Variants in THSD7A observed in about 807,000 individuals in gnomAD.
THSD7A encodes thrombospondin type 1 domain containing 7A.
THSD7A carries 96 observed loss-of-function variants against 231.3 expected under a neutral mutation model. The ratio of observed to expected loss-of-function variants is 0.41; its 90% CI spans 0.35 to 0.49. THSD7A has a LOEUF of 0.49. Ranked by LOEUF, THSD7A falls within the 20% of genes least tolerant of loss-of-function variation. The probability of loss-of-function intolerance (pLI) is 0.05; values close to 1 mark genes in which losing one functional copy is unlikely to be tolerated. For synonymous variants in THSD7A, 940 were observed against 743.3 expected (o/e 1.26, Z -4.30); for missense variants, 2,290 against 2,070.2 (o/e 1.11, Z -2.06).
At chr7:11,827,440 G>A (rs114860520) in intron 1 of THSD7A, among the ~76,000 whole-genome samples, 2,676 of 151,848 alleles carry the variant, frequency 0.018, 81 homozygotes, top group African/African-American at 0.059. Flanking sequence ...TCCTTTCCTA[G>A]CCTTTCTAAA....
chr7:11,382,412 G>A (rs900559956), intron 24 of THSD7A, 109 bp downstream of exon 24: 3 of 883,544 alleles, frequency 3.4e-6, no homozygotes, highest in African/African-American at 3.3e-5. Flanking sequence ...ATCCCAAACA[G>A]GCTTTGAATA....
intron 1 of THSD7A, among the ~76,000 whole-genome samples, chr7:11,684,229 T>C (rs916233314): frequency 4.6e-5 from 7 of 151,580 alleles, no homozygotes; most frequent in African/African-American, 1.7e-4. Context: ...CAAAGAAATA[T>C]ATCTCAAAAT....
intron 1 of THSD7A, among the ~76,000 whole-genome samples, chr7:11,826,699 C>T (rs890883012): frequency 1.3e-5 from 2 of 151,538 alleles, no homozygotes; most frequent in Non-Finnish European, 2.9e-5. Flanking sequence ...GTAACCCTAG[C>T]TACTCAGGAG....
intron 1 of THSD7A, among the ~76,000 whole-genome samples, chr7:11,697,094 A>G (rs1213110955): frequency 1.3e-5 from 2 of 151,442 alleles, no homozygotes; most frequent in Non-Finnish European, 3.0e-5. Context: ...TCCCTAATGT[A>G]AGATTTATGG....
At chr7:11,543,817 G>GT (rs900660340) in intron 4 of THSD7A, among the ~76,000 whole-genome samples, 48 of 151,370 alleles carry the variant, frequency 3.2e-4, no homozygotes, top group African/African-American at 7.8e-4. Flanking sequence ...TTGTTTTTTT[G>GT]TTTTTTTTAT....
At chr7:11,405,747 C>T (rs76532062) in intron 22 of THSD7A, among the ~76,000 whole-genome samples, 1,882 of 152,256 alleles carry the variant, frequency 0.012, 15 homozygotes, top group Non-Finnish European at 0.02. Flanking sequence ...TTCCTCCATA[C>T]TGCTATTTTG....
chr7:11,528,300 G>C lies in THSD7A; in HGVS notation c.1822+13119C>G, dbSNP rs569031353. ...ATCAAATTTATATAGTGACTGCAAA[G>C]AGCTCCAATGTCTCTTTTAATTATT... On this transcript the variant is annotated intron_variant, in intron 6 of 27. Coordinates refer to ENST00000423059, the MANE Select transcript of THSD7A (RefSeq NM_015204.3). Among the ~76,000 whole-genome samples the C allele has an allele frequency of 2.0e-5, 3 of 152,236 alleles. No homozygotes were observed. The South Asian group carries it at 6.2e-4, about 32-fold the overall frequency.
chr7:11,508,737 T>A (rs1321786464), intron 6 of THSD7A, among the ~76,000 whole-genome samples: 1 of 152,176 alleles, frequency 6.6e-6, no homozygotes, highest in East Asian at 1.9e-4. Context: ...TGGTATATAC[T>A]CATAGTGGAA....
At chr7:11,546,202 G>GCACGCGCGCGCACACACACACACACA (rs761841418) in intron 4 of THSD7A, among the ~76,000 whole-genome samples, 1 of 129,374 alleles carries the variant, frequency 7.7e-6, no homozygotes, top group Admixed American at 8.7e-5. Context: ...GTGGGCGCGC[G>GCACGCGCGCGCACACACACACACACA]CTCACACACA....
At chr7:11,628,789 A>G (rs1010287229) in intron 2 of THSD7A, among the ~76,000 whole-genome samples, 2 of 152,214 alleles carry the variant, frequency 1.3e-5, no homozygotes, top group Admixed American at 6.5e-5. Flanking sequence ...TAACAATGAC[A>G]TAGAAGCAGT....
chr7:11,754,278 A>C (rs997495489), intron 1 of THSD7A, among the ~76,000 whole-genome samples: 4 of 152,068 alleles, frequency 2.6e-5, no homozygotes, highest in African/African-American at 9.7e-5. Flanking sequence ...AATAGAGAGT[A>C]ACGGAAGTGA....
chr7:11,539,075 C>T lies in THSD7A; in HGVS notation c.1822+2344G>A, dbSNP rs376366983. On this transcript the variant is annotated intron_variant, in intron 6 of 27. Coordinates refer to ENST00000423059, the MANE Select transcript of THSD7A (RefSeq NM_015204.3). ...TATAAAACAAAATGTATAGCTGCAG[C>T]CCAGGCCTAGAGGTAGAGTCTACAA... 2.1e-4 allele frequency among the ~76,000 whole-genome samples: 32 copies of T among 152,230 alleles called. No individual in the cohort carries two copies. In the East Asian group the frequency reaches 6.0e-3, roughly 29 times the overall value.
At chr7:11,683,225 A>C (rs904132493) in intron 1 of THSD7A, among the ~76,000 whole-genome samples, 1 of 152,010 alleles carries the variant, frequency 6.6e-6, no homozygotes, top group Non-Finnish European at 1.5e-5. Flanking sequence ...CCACACAAAT[A>C]CATGGAAACG....
intron 2 of THSD7A, among the ~76,000 whole-genome samples, chr7:11,608,084 AGTG>A (rs2128347661): frequency 6.6e-6 from 1 of 152,300 alleles, no homozygotes; most frequent in East Asian, 1.9e-4. Flanking sequence ...TGTTCCAGGC[AGTG>A]AACCATGGTG....
chr7:11,691,956 T>G, intron 1 of THSD7A, among the ~76,000 whole-genome samples: 1 of 151,568 alleles, frequency 6.6e-6, no homozygotes, highest in East Asian at 2.0e-4. Context: ...AATCACATCC[T>G]ATCTGTTAGT....
intron 1 of THSD7A, among the ~76,000 whole-genome samples, chr7:11,825,151 G>A (rs1227644182): frequency 2.6e-5 from 4 of 151,898 alleles, no homozygotes; most frequent in Non-Finnish European, 5.9e-5. Flanking sequence ...CATTTTTAGG[G>A]GAATAACTGG....
intron 1 of THSD7A, among the ~76,000 whole-genome samples, chr7:11,752,252 G>C (rs1229177019): frequency 6.6e-6 from 1 of 152,018 alleles, no homozygotes; most frequent in African/African-American, 2.4e-5. Context: ...CAGGGTCGAG[G>C]AGTTTCAGTC....
At position 11,444,848 on chromosome 7, in the gene THSD7A, CTA is replaced by C. The variant is rs1471614551; in HGVS notation, c.3064+1211_3064+1212del. Among the ~76,000 whole-genome samples, 1 of 145,286 alleles carries C rather than the reference CTA, an allele frequency of 6.9e-6. No homozygotes were observed. Among genetic ancestry groups the C allele is most frequent in the East Asian group, 2.0e-4 (1 of 5,036 alleles). On this transcript the variant is annotated intron_variant, in intron 13 of 27. Transcript: ENST00000423059. The surrounding 1 kb of genome is among the most constrained non-coding windows in gnomAD (Gnocchi z 4.2). ...TAATTAAACTATATATATAATTAAA[CTA>C]TATATATAAAACTATCATTATATAT...
intron 6 of THSD7A, among the ~76,000 whole-genome samples, chr7:11,492,801 T>C (rs892970276): frequency 2.6e-5 from 4 of 152,004 alleles, no homozygotes; most frequent in African/African-American, 7.2e-5. Context: ...AACTTCCCAC[T>C]CTATCCTCTA....
Sources: gnomAD v4.1 joint callset for allele counts (sites outside exome capture counted in the v4.1 genomes callset) on GRCh38, gnomAD v4.1.1 for gene constraint, Gnocchi (gnomAD v3.1) non-coding constraint, MANE v1.5 for transcripts, NCBI Gene and HGNC (gene_info 2026-07-23, HGNC 2026-07-21) for gene names.